PALD1: variants seen among roughly 807,000 people sequenced by gnomAD.
The protein encoded by PALD1 is phosphatase domain containing paladin 1.
Under a neutral mutation model 96.0 loss-of-function variants are expected in PALD1, and 57 were observed. That is an observed-to-expected ratio of 0.59 (90% CI 0.48 to 0.74). The LOEUF is 0.74. Ranked by LOEUF, PALD1 falls within the 30% of genes least tolerant of loss-of-function variation. The pLI is 0.00. For synonymous variants in PALD1, 464 were observed against 473.6 expected (o/e 0.98, Z 0.26); for missense variants, 1,063 against 1,143.7 (o/e 0.93, Z 1.02).
intron 10 of PALD1, among the ~76,000 whole-genome samples, chr10:70,535,886 C>G (rs1721299833): frequency 6.6e-6 from 1 of 152,140 alleles, no homozygotes; most frequent in African/African-American, 2.4e-5. Flanking sequence ...TGGGGTGTTG[C>G]TATGTTGCCC....
chr10:70,507,045 C>T (rs2132306348), intron 1 of PALD1, among the ~76,000 whole-genome samples: 1 of 152,194 alleles, frequency 6.6e-6, no homozygotes, highest in East Asian at 1.9e-4. Context: ...AACACAGACA[C>T]CTGCAAAGTT....
intron 2 of PALD1, among the ~76,000 whole-genome samples, chr10:70,527,052 G>C (rs1347039115): frequency 1.3e-5 from 2 of 152,142 alleles, no homozygotes; most frequent in Non-Finnish European, 2.9e-5. Context: ...GGAGGAAAAG[G>C]GATGTCATAT....
intron 18 of PALD1, among the ~76,000 whole-genome samples, chr10:70,560,841 C>T (rs1006558668): frequency 6.6e-6 from 1 of 152,064 alleles, no homozygotes; most frequent in African/African-American, 2.4e-5. Context: ...CCGGCTCCAC[C>T]ACAGCTAATG....
In PALD1 at chr10:70,545,759, T is replaced by G. The variant is rs1004725019; in HGVS notation, c.2122-1547T>G. On this transcript the variant is annotated intron_variant, in intron 17 of 19. Transcript: ENST00000263563. The stretch of plus-strand genomic sequence containing the variant: ...GGCTGGGGTGGGGAATTATATCAGA[T>G]GAGTGGTGTCCAACTCTGAGCGTCT... Among the ~76,000 whole-genome samples the G allele has an allele frequency of 2.7e-4, 41 of 151,768 alleles. 1 individual carries two copies. The highest frequency in any genetic ancestry group is 3.4e-3 in the Middle Eastern group (1 of 294).
At chr10:70,485,985 G>A (rs962172967) in intron 1 of PALD1, 3 of 207,004 alleles carry the variant, frequency 1.4e-5, no homozygotes, top group Middle Eastern at 1.1e-3. Context: ...GAACATCTTC[G>A]TGCTCCCTTT....
At chr10:70,533,822 G>A (rs910251710) in intron 7 of PALD1, 100 bp from the exon 8 acceptor site, 5 of 1,138,036 alleles carry the variant, frequency 4.4e-6, no homozygotes, top group South Asian at 1.8e-5. Flanking sequence ...GCTGCAGACT[G>A]TGGGGCAGGG....
chr10:70,469,858 A>G, the PALD1 span, among the ~76,000 whole-genome samples: 1 of 152,110 alleles, frequency 6.6e-6, no homozygotes, highest in Middle Eastern at 3.4e-3. Flanking sequence ...CAGTGGTGCA[A>G]TCTCGGCTCG....
intron 1 of PALD1, among the ~76,000 whole-genome samples, chr10:70,519,775 A>G (rs557557051): frequency 1.3e-5 from 2 of 151,968 alleles, no homozygotes; most frequent in Admixed American, 6.6e-5. Flanking sequence ...GGGTTTCGCC[A>G]TGTTGGCCAG....
chr10:70,505,334 G>T (rs1451537710), intron 1 of PALD1, among the ~76,000 whole-genome samples: 2 of 152,098 alleles, frequency 1.3e-5, no homozygotes, highest in Non-Finnish European at 2.9e-5. Flanking sequence ...GGTGGCTCAC[G>T]CCTATAATCC....
chr10:70,539,355 G>T lies in PALD1; in HGVS notation c.1725+108G>T. 1 of 1,215,296 alleles carries T rather than the reference G, an allele frequency of 8.2e-7. No individual in the cohort carries two copies. The highest frequency in any genetic ancestry group is 1.1e-6 in the Non-Finnish European group (1 of 886,606). The allele number at this position is 1,215,296 out of a possible 1,614,324, so 75.3% of individuals were successfully genotyped here. A position where few individuals can be genotyped will look rare whatever the true frequency, so the allele number is the denominator to read the frequency against. ...TCCCGCAGACAGATGGAGAATCTGA[G>T]GCCCCGGGAGGAGCAGTGTCAGGGA... On this transcript the variant is annotated intron_variant, in intron 14 of 19. Coordinates refer to ENST00000263563, the MANE Select transcript of PALD1 (RefSeq NM_014431.3). The surrounding 1 kb of genome is among the most constrained non-coding windows in gnomAD (Gnocchi z 4.5).
chr10:70,471,870 A>T, the PALD1 span, among the ~76,000 whole-genome samples: 3 of 152,348 alleles, frequency 2.0e-5, no homozygotes, highest in East Asian at 5.8e-4. Flanking sequence ...TGGCTGGGAT[A>T]ACACAGCCAG....
intron 1 of PALD1, among the ~76,000 whole-genome samples, chr10:70,488,922 G>C (rs1010324349): frequency 6.6e-6 from 1 of 151,144 alleles, no homozygotes. Flanking sequence ...CTGGGGGTCT[G>C]GGTGGATGTA....
At chr10:70,529,378 CTA>C (rs1368357602) in intron 3 of PALD1, 47 bp downstream of exon 3, 2 of 890,742 alleles carry the variant, frequency 2.2e-6, no homozygotes, top group Non-Finnish European at 3.7e-6. Context: ...CCTCCCACCC[CTA>C]TCTCTCATGA....
the PALD1 span, among the ~76,000 whole-genome samples, chr10:70,461,327 C>T: frequency 2.6e-5 from 4 of 152,192 alleles, no homozygotes; most frequent in Non-Finnish European, 5.9e-5. Context: ...TGTCACACTC[C>T]CTAGGAGTAC....
At chr10:70,501,834 T>TGTGTGTGTGTGC (rs774868338) in intron 1 of PALD1, among the ~76,000 whole-genome samples, 81 of 149,498 alleles carry the variant, frequency 5.4e-4, no homozygotes, top group African/African-American at 1.2e-3. Context: ...TGTGTGTGTG[T>TGTGTGTGTGTGC]GCGTGCGTGC....
chr10:70,489,550 C>T (rs1846068055), intron 1 of PALD1, among the ~76,000 whole-genome samples: 1 of 152,232 alleles, frequency 6.6e-6, no homozygotes, highest in Middle Eastern at 3.4e-3. Flanking sequence ...CTCAGGAATC[C>T]TGTAGGGGGA....
intron 1 of PALD1, among the ~76,000 whole-genome samples, chr10:70,521,165 G>T (rs1161263211): frequency 6.6e-6 from 1 of 152,194 alleles, no homozygotes; most frequent in Non-Finnish European, 1.5e-5. Flanking sequence ...TGGAAGCTGT[G>T]TATCTCTCTA....
chr10:70,524,113 C>T (rs964087965), intron 1 of PALD1, among the ~76,000 whole-genome samples: 13 of 152,180 alleles, frequency 8.5e-5, no homozygotes, highest in African/African-American at 3.1e-4. Context: ...ACAGTCCCTA[C>T]TGATGTGGAG....
intron 18 of PALD1, among the ~76,000 whole-genome samples, chr10:70,558,414 A>C (rs941412069): frequency 1.3e-5 from 2 of 152,180 alleles, no homozygotes; most frequent in African/African-American, 4.8e-5. Flanking sequence ...CAAGGTGCAC[A>C]TGTTTGTCAT....
Sources: allele counts gnomAD v4.1 joint callset (sites outside exome capture counted in the v4.1 genomes callset), GRCh38; gene constraint gnomAD v4.1.1; non-coding constraint Gnocchi (gnomAD v3.1); transcripts MANE v1.5; gene names NCBI Gene and HGNC (gene_info 2026-07-23, HGNC 2026-07-21).